ARHGEF10L: variants seen among roughly 807,000 people sequenced by gnomAD.
ARHGEF10L encodes the protein Rho guanine nucleotide exchange factor 10 like.
In ARHGEF10L, 69 loss-of-function variants were observed where a neutral mutation model predicts 141.2. That is an observed-to-expected ratio of 0.49 (90% CI 0.40 to 0.60). The LOEUF (loss-of-function observed/expected upper bound fraction) is 0.60, where lower values mean the gene tolerates loss of function less well. Ranked by LOEUF, ARHGEF10L falls within the 20% of genes least tolerant of loss-of-function variation. The probability of loss-of-function intolerance (pLI) is 0.00; values close to 1 mark genes in which losing one functional copy is unlikely to be tolerated. For synonymous variants in ARHGEF10L, 711 were observed against 718.5 expected (o/e 0.99, Z 0.17); for missense variants, 1,482 against 1,734.3 (o/e 0.85, Z 2.58).
the ARHGEF10L span, among the ~76,000 whole-genome samples, chr1:17,534,386 G>A: frequency 2.6e-5 from 4 of 152,158 alleles, no homozygotes; most frequent in East Asian, 1.9e-4. Flanking sequence ...GCCTCCCAAA[G>A]TTCTGGGATT....
In ARHGEF10L at chr1:17,654,841, C is replaced by T; in HGVS notation, c.2481+119C>T. 1 of 972,602 alleles carries T rather than the reference C, an allele frequency of 1.0e-6. No homozygotes were observed. The allele number at this position is 972,602 out of a possible 1,614,324, so 60.2% of individuals were successfully genotyped here. On this transcript the variant is annotated intron_variant, in intron 23 of 28. Coordinates refer to ENST00000361221, the MANE Select transcript of ARHGEF10L (RefSeq NM_018125.4). The surrounding 1 kb of genome is among the most constrained non-coding windows in gnomAD (Gnocchi z 4.3). Reference sequence around the variant, plus strand: ...CTGCCTCATCTCATGCAGCTTCATCCACCAAGGTCTTCCTGGGCACCTCTG... The same window carrying T: ...CTGCCTCATCTCATGCAGCTTCATCTACCAAGGTCTTCCTGGGCACCTCTG...
intron 26 of ARHGEF10L, 32 bp from the exon 27 acceptor site, chr1:17,687,541 C>A (rs1252561424): frequency 6.2e-7 from 1 of 1,610,212 alleles, no homozygotes; most frequent in Non-Finnish European, 8.5e-7. Context: ...GCAGGCCCAG[C>A]CAGTATCGAC....
chr1:17,675,443 G>A (rs149864691), intron 26 of ARHGEF10L, among the ~76,000 whole-genome samples: 1 of 151,736 alleles, frequency 6.6e-6, no homozygotes, highest in Non-Finnish European at 1.5e-5. Context: ...GCAGGTGTGG[G>A]TGTAGGTGTG....
rs917305029 is a variant in ARHGEF10L, at chr1:17,669,703, G to A, written c.3009+5108G>A. On this transcript the variant is annotated intron_variant, in intron 26 of 28. Transcript: ENST00000361221. Reference sequence around the variant, plus strand: ...TTTCCATGAGCACGCCTTCCGGGCCGAGGACTGTGTTGTGTTCATCTTTGT... The same window carrying A: ...TTTCCATGAGCACGCCTTCCGGGCCAAGGACTGTGTTGTGTTCATCTTTGT... Among the ~76,000 whole-genome samples the A allele has an allele frequency of 3.9e-5, 6 of 152,204 alleles. No individual in the cohort carries two copies. In the East Asian group the frequency reaches 9.6e-4, roughly 24 times the overall value.
intron 21 of ARHGEF10L, among the ~76,000 whole-genome samples, chr1:17,646,516 C>T (rs1026106309): frequency 2.6e-5 from 4 of 152,250 alleles, no homozygotes; most frequent in African/African-American, 4.8e-5. Context: ...TGGGAGGTTT[C>T]GGCCTTCATA....
chr1:17,672,090 G>C (rs2063356198), intron 26 of ARHGEF10L, among the ~76,000 whole-genome samples: 1 of 152,110 alleles, frequency 6.6e-6, no homozygotes, highest in Non-Finnish European at 1.5e-5. Flanking sequence ...CTCTGCACTG[G>C]CCTCTCATAC....
chr1:17,656,760 G>C lies in ARHGEF10L; in HGVS notation c.2860+52G>C. 1 of 1,572,424 alleles carries C rather than the reference G, an allele frequency of 6.4e-7. No homozygotes were observed. The highest frequency in any genetic ancestry group is 8.7e-7 in the Non-Finnish European group (1 of 1,154,624). The stretch of plus-strand genomic sequence containing the variant: ...GGGGGCAGTCCTGGATGCCAGCTGG[G>C]TGCCAGATTCTCTACCAAGAGAGGA... On this transcript the variant is annotated intron_variant, in intron 25 of 28. Transcript: ENST00000361221. This position sits in a 1 kb window ranked among gnomAD's most constrained non-coding sequence, Gnocchi z 4.9.
chr1:17,596,905 A>G (rs1227468385), intron 4 of ARHGEF10L, among the ~76,000 whole-genome samples: 1 of 152,190 alleles, frequency 6.6e-6, no homozygotes, highest in African/African-American at 2.4e-5. Context: ...TACAAAAAAA[A>G]GTAGATGGGC....
chr1:17,557,766 G>A (rs1021565002), intron 1 of ARHGEF10L, among the ~76,000 whole-genome samples: 8 of 152,172 alleles, frequency 5.3e-5, no homozygotes, highest in African/African-American at 1.9e-4. Flanking sequence ...ACACAGTCTC[G>A]GACATTATGT....
chr1:17,626,661 C>G (rs2060403096), intron 14 of ARHGEF10L, among the ~76,000 whole-genome samples: 1 of 152,168 alleles, frequency 6.6e-6, no homozygotes, highest in Non-Finnish European at 1.5e-5. Flanking sequence ...ACCATCATAA[C>G]CATTTCTAAG....
In ARHGEF10L at chr1:17,696,939, T is replaced by C; in HGVS notation, c.3399T>C (p.Ser1133=). 6.2e-7 allele frequency: 1 copy of C among 1,612,146 alleles called. No individual in the cohort carries two copies. Among genetic ancestry groups the C allele is most frequent in the South Asian group, 1.1e-5 (1 of 90,956 alleles). The stretch of plus-strand genomic sequence containing the variant: ...TCCTGGCCCCTGACATCCTGCGGAG[T>C]GACCAGGAGGAGGCTGAGGGGCCCC... ...TSILAPDILR[S]DQEEAEGPRA... The change falls in exon 29 of 29, where the codon AGT becomes AGC. Residue 1133 remains serine, a synonymous_variant. Transcript: ENST00000361221.
Position 17,697,460 on chromosome 1 carries a change from C to T in ARHGEF10L, c.*80C>T, listed in dbSNP as rs1440774828. 1.7e-5 allele frequency: 25 copies of T among 1,487,832 alleles called. No homozygotes were observed. Among genetic ancestry groups the T allele is most frequent in the South Asian group, 5.3e-5 (4 of 75,280 alleles). The allele number at this position is 1,487,832 out of a possible 1,614,324, so 92.2% of individuals were successfully genotyped here. ...CGGCTCTCGTGCTCTAGGACCTGCA[C>T]GGGACTTGTGGATGGGCCTGGACTC... On this transcript the variant is annotated 3_prime_UTR_variant, in exon 29 of 29. Transcript: ENST00000361221. The surrounding 1 kb of genome is among the most constrained non-coding windows in gnomAD (Gnocchi z 4.8).
intron 22 of ARHGEF10L, among the ~76,000 whole-genome samples, chr1:17,650,976 G>T (rs1026021698): frequency 3.9e-5 from 6 of 152,152 alleles, no homozygotes; most frequent in Non-Finnish European, 2.9e-5. Context: ...TGGTTTGGCC[G>T]CTCTTTTTGT....
intron 1 of ARHGEF10L, among the ~76,000 whole-genome samples, chr1:17,563,237 CTT>C (rs55911525): frequency 0.019 from 2,751 of 142,468 alleles, 77 homozygotes; most frequent in African/African-American, 0.065. Context: ...GAGCCCTTTT[CTT>C]TTTTTTTTTT....
chr1:17,596,916 G>C (rs1375673510), intron 4 of ARHGEF10L, among the ~76,000 whole-genome samples: 9 of 152,208 alleles, frequency 5.9e-5, no homozygotes, highest in Non-Finnish European at 1.2e-4. Context: ...GTAGATGGGC[G>C]TGGTGGCACA....
intron 4 of ARHGEF10L, among the ~76,000 whole-genome samples, chr1:17,592,853 C>T (rs552793497): frequency 6.6e-6 from 1 of 152,202 alleles, no homozygotes; most frequent in African/African-American, 2.4e-5. Context: ...ATGGCAGATA[C>T]CGGCTCTCCG....
At chr1:17,689,919 A>G in intron 27 of ARHGEF10L, 2 of 450,866 alleles carry the variant, frequency 4.4e-6, no homozygotes, top group Non-Finnish European at 8.9e-6. Context: ...TCCTGCCTGT[A>G]CAACCCTGAC....
chr1:17,596,294 C>G (rs1235486730), intron 4 of ARHGEF10L, among the ~76,000 whole-genome samples: 1 of 152,260 alleles, frequency 6.6e-6, no homozygotes, highest in Non-Finnish European at 1.5e-5. Flanking sequence ...CAGGCTGAAC[C>G]TGGGCTGCGT....
the ARHGEF10L span, among the ~76,000 whole-genome samples, chr1:17,529,159 C>T: frequency 6.6e-6 from 1 of 152,088 alleles, no homozygotes; most frequent in Non-Finnish European, 1.5e-5. Flanking sequence ...TGCACCACCA[C>T]ACCCAGCTAA....
Sources: gnomAD v4.1 joint callset for allele counts (sites outside exome capture counted in the v4.1 genomes callset) on GRCh38, gnomAD v4.1.1 for gene constraint, Gnocchi (gnomAD v3.1) non-coding constraint, MANE v1.5 for transcripts, NCBI Gene and HGNC (gene_info 2026-07-23, HGNC 2026-07-21) for gene names.